The following CSMD1 variants were observed in gnomAD, a reference collection of about 807,000 sequenced individuals.
CSMD1 encodes CUB and sushi domain-containing protein 1.
In CSMD1, 213 loss-of-function variants were observed where a neutral mutation model predicts 417.5. The ratio of observed to expected loss-of-function variants is 0.51; its 90% confidence interval spans 0.46 to 0.57. CSMD1 has a LOEUF of 0.57. CSMD1 is among the 20% of genes least tolerant of loss of function. CSMD1 has a pLI of 0.00. For synonymous variants in CSMD1, 2,862 were observed against 1,736.8 expected (o/e 1.65, Z -16.11); for missense variants, 6,923 against 4,529.7 (o/e 1.53, Z -15.17).
intron 3 of CSMD1, among the ~76,000 whole-genome samples, chr8:4,196,989 C>G (rs1400786488): frequency 6.6e-6 from 1 of 152,156 alleles, no homozygotes; most frequent in Non-Finnish European, 1.5e-5. Context: ...CTCACAATAT[C>G]TATTCTACGC....
At chr8:3,899,518 G>C (rs1046243653) in intron 5 of CSMD1, among the ~76,000 whole-genome samples, 1 of 152,150 alleles carries the variant, frequency 6.6e-6, no homozygotes, top group African/African-American at 2.4e-5. Context: ...TTTGGATGCT[G>C]TCATAAGGAA....
chr8:4,469,493 A>C (rs140818381), intron 2 of CSMD1, among the ~76,000 whole-genome samples: 2 of 152,224 alleles, frequency 1.3e-5, no homozygotes, highest in African/African-American at 4.8e-5. Context: ...ACAGGTGAGT[A>C]GATTTTACCT....
intron 5 of CSMD1, among the ~76,000 whole-genome samples, chr8:3,862,378 C>G (rs1419723775): frequency 1.4e-5 from 2 of 146,720 alleles, no homozygotes; most frequent in Non-Finnish European, 3.0e-5. Context: ...TCTGATGTGG[C>G]CCTTTCATTT....
At chr8:3,674,954 A>C (rs764284967) in intron 7 of CSMD1, among the ~76,000 whole-genome samples, 1 of 152,192 alleles carries the variant, frequency 6.6e-6, no homozygotes, top group Non-Finnish European at 1.5e-5. Context: ...CTGTAGGCCA[A>C]AAACATAAAC....
At chr8:3,231,581 A>G (rs892549004) in intron 26 of CSMD1, among the ~76,000 whole-genome samples, 2 of 152,220 alleles carry the variant, frequency 1.3e-5, no homozygotes, top group African/African-American at 4.8e-5. Flanking sequence ...GTTAGAAGAT[A>G]TATAAAAAAG....
At chr8:3,301,679 G>T (rs1330947011) in intron 25 of CSMD1, among the ~76,000 whole-genome samples, 1 of 152,144 alleles carries the variant, frequency 6.6e-6, no homozygotes, top group Non-Finnish European at 1.5e-5. Context: ...AAGTATCCAT[G>T]AGCAGCCAAA....
chr8:4,756,541 C>T (rs772489534), intron 1 of CSMD1, among the ~76,000 whole-genome samples: 4 of 152,112 alleles, frequency 2.6e-5, no homozygotes, highest in Admixed American at 6.6e-5. Flanking sequence ...TCTACTCCAA[C>T]GAGGTATGTA....
chr8:4,032,365 G>A (rs974372558), intron 3 of CSMD1, among the ~76,000 whole-genome samples: 2 of 152,160 alleles, frequency 1.3e-5, no homozygotes, highest in Non-Finnish European at 2.9e-5. Context: ...TTTATTCAGT[G>A]TTCCAGATAA....
intron 5 of CSMD1, among the ~76,000 whole-genome samples, chr8:3,846,908 T>C (rs932205429): frequency 2.0e-5 from 3 of 152,144 alleles, no homozygotes; most frequent in African/African-American, 7.2e-5. Context: ...CTCCTGACCT[T>C]AGGTGATCCA....
At position 3,106,596 on chromosome 8, in the gene CSMD1, C is replaced by T; in HGVS notation, c.6881G>A (p.Gly2294Glu). ...GAGCTTGCAAGTCAGAATGTCGGTC[C>T]CCACCAAGGTGTACCCGGGGTGGCA... ...YQCHPGYTLV[G>E]TDILTCKLSS... Residue 2294 changes from glycine (G) to glutamate (E), a missense_variant, in exon 46 of 70, where the codon GGG becomes GAG. Gly to Glu is a moderately conservative substitution (Grantham distance 98). Coordinates refer to ENST00000635120, the MANE Select transcript of CSMD1 (RefSeq NM_033225.6). 2 of 1,613,730 alleles carry T rather than the reference C, an allele frequency of 1.2e-6. No individual in the cohort carries two copies. The highest frequency in any genetic ancestry group is 1.7e-6 in the Non-Finnish European group (2 of 1,179,814).
rs372608339 is a variant in CSMD1 at position 4,322,786 on chromosome 8, G to C, written c.415+97167C>G. Among the ~76,000 whole-genome samples, 5 of 152,294 alleles carry C rather than the reference G, an allele frequency of 3.3e-5. No homozygotes were observed. In the East Asian group the frequency reaches 7.8e-4, roughly 24 times the overall value. On this transcript the variant is annotated intron_variant, in intron 3 of 69. Transcript: ENST00000635120. ...GAGGTAGGCGGATCACTTGACTTCAGGAGTACAAGACCAGCCTGGCCAACA... is the reference window on the plus strand; with the variant it reads ...GAGGTAGGCGGATCACTTGACTTCACGAGTACAAGACCAGCCTGGCCAACA...
intron 3 of CSMD1, among the ~76,000 whole-genome samples, chr8:4,051,938 C>T (rs951365655): frequency 2.8e-5 from 4 of 145,018 alleles, no homozygotes. Context: ...TTCTTTCTTT[C>T]TTTCTTGACA....
At position 4,245,013 on chromosome 8, in the gene CSMD1, C is replaced by G. The variant is rs73498568; in HGVS notation, c.415+174940G>C. On this transcript the variant is annotated intron_variant, in intron 3 of 69. Coordinates refer to ENST00000635120, the MANE Select transcript of CSMD1 (RefSeq NM_033225.6). ...AATCGACAAACATCAAAAAGAATCA[C>G]ATACACATTTAAACTATAAAACCAC... 6.4e-3 allele frequency among the ~76,000 whole-genome samples: 971 copies of G among 152,282 alleles called. 13 individuals carry two copies. The highest frequency in any genetic ancestry group is 0.022 in the African/African-American group (918 of 41,552).
rs573178134 is a variant in CSMD1 at position 3,033,136 on chromosome 8, G to A, written c.7661-3623C>T. On this transcript the variant is annotated intron_variant, in intron 50 of 69. Transcript: ENST00000635120. ...AATTTAAAGATATTTTATTTTGAAAGTTCTTTATGAATAATCTATAACACT... is the reference window on the plus strand; with the variant it reads ...AATTTAAAGATATTTTATTTTGAAAATTCTTTATGAATAATCTATAACACT... 2.6e-5 allele frequency among the ~76,000 whole-genome samples: 4 copies of A among 152,086 alleles called. No homozygotes were observed. The South Asian group carries it at 8.3e-4, about 32-fold the overall frequency.
intron 11 of CSMD1, among the ~76,000 whole-genome samples, chr8:3,493,353 T>G (rs531146819): frequency 1.3e-5 from 2 of 151,872 alleles, no homozygotes; most frequent in African/African-American, 4.8e-5. Context: ...TATTGTTTTT[T>G]GCTACCTCAT....
At chr8:4,381,832 G>C (rs1260564739) in intron 3 of CSMD1, among the ~76,000 whole-genome samples, 2 of 151,908 alleles carry the variant, frequency 1.3e-5, no homozygotes, top group African/African-American at 2.4e-5. Context: ...TCTATCTCCT[G>C]CTTCACCAAA....
chr8:3,514,786 G>A (rs568210030), intron 10 of CSMD1, among the ~76,000 whole-genome samples: 35 of 152,134 alleles, frequency 2.3e-4, no homozygotes, highest in African/African-American at 8.4e-4. Flanking sequence ...ATCCTTTAGT[G>A]ATTAAACTGT....
chr8:4,073,389 A>G (rs2552130), intron 3 of CSMD1, among the ~76,000 whole-genome samples: 18,814 of 152,112 alleles, frequency 0.12, 1,425 homozygotes, highest in African/African-American at 0.21. Context: ...AAGCTAAAAA[A>G]AGTAAATTTA....
At chr8:4,771,168 G>T (rs764637523) in intron 1 of CSMD1, among the ~76,000 whole-genome samples, 3 of 152,150 alleles carry the variant, frequency 2.0e-5, no homozygotes, top group Non-Finnish European at 2.9e-5. Flanking sequence ...ATTACACAGA[G>T]AAGACTGAGG....
Sources: gnomAD v4.1 joint callset for allele counts (sites outside exome capture counted in the v4.1 genomes callset) on GRCh38, gnomAD v4.1.1 for gene constraint, MANE v1.5 for transcripts, NCBI Gene and HGNC (gene_info 2026-07-23, HGNC 2026-07-21) for gene names.